Variants in MSRB3 observed in about 807,000 individuals in gnomAD.
MSRB3 encodes the protein methionine sulfoxide reductase B3, also known as methionine-R-sulfoxide reductase B3.
MSRB3 carries 13 observed loss-of-function variants against 21.0 expected under a neutral mutation model. The ratio of observed to expected loss-of-function variants is 0.62; its 90% CI spans 0.40 to 0.98. The LOEUF (loss-of-function observed/expected upper bound fraction) is 0.98. MSRB3 is among the 50% of genes least tolerant of loss of function. The pLI, the probability that MSRB3 is intolerant of heterozygous loss-of-function variation, is 0.00. For missense variants in MSRB3, 199 were observed against 230.3 expected (o/e 0.86, Z 0.88); for synonymous variants, 87 against 88.6 (o/e 0.98, Z 0.10).
intron 5 of MSRB3, among the ~76,000 whole-genome samples, chr12:65,390,320 C>T (rs1339059025): frequency 2.0e-5 from 3 of 152,136 alleles, no homozygotes; most frequent in Non-Finnish European, 4.4e-5. Flanking sequence ...CTCCTCTTTC[C>T]ACTGGAATTA....
intron 4 of MSRB3, among the ~76,000 whole-genome samples, chr12:65,334,950 A>T (rs1021077321): frequency 6.6e-6 from 1 of 152,166 alleles, no homozygotes; most frequent in Non-Finnish European, 1.5e-5. Context: ...TTTTTTGAGA[A>T]GATTGATGCC....
chr12:65,408,116 A>G (rs1430936447), intron 5 of MSRB3, among the ~76,000 whole-genome samples: 1 of 151,786 alleles, frequency 6.6e-6, no homozygotes, highest in Non-Finnish European at 1.5e-5. Context: ...TTTTTTTAAG[A>G]TGGTGTCTTA....
At position 65,463,249 on chromosome 12, in the gene MSRB3, C is replaced by T. The variant is rs760444664; in HGVS notation, c.485C>T (p.Ala162Val). 359 of 1,614,052 alleles carry T rather than the reference C, an allele frequency of 2.2e-4. No individual in the cohort carries two copies. The highest frequency in any genetic ancestry group is 2.9e-4 in the Non-Finnish European group (341 of 1,180,044). The change falls in exon 7 of 7, where the codon GCG becomes GTG. Residue 162 changes from alanine (A) to valine (V), a missense_variant. Transcript: ENST00000308259. ...INSAALSFTP[A>V]DSSGTAEGGS... ...TCGGCTGCCTTGTCTTTTACACCTGCGGATAGCAGTGGCACCGCCGAGGGA... is the reference window on the plus strand; with the variant it reads ...TCGGCTGCCTTGTCTTTTACACCTGTGGATAGCAGTGGCACCGCCGAGGGA...
chr12:65,379,351 A>G (rs180983368), intron 5 of MSRB3, among the ~76,000 whole-genome samples: 130 of 152,344 alleles, frequency 8.5e-4, no homozygotes, highest in Admixed American at 4.0e-3. Context: ...GCGATTGTAG[A>G]GCTGACAATT....
chr12:65,368,968 A>G (rs747242090), intron 4 of MSRB3, 30 bp from the exon 5 acceptor site: 5 of 954,466 alleles, frequency 5.2e-6, no homozygotes, highest in Non-Finnish European at 7.5e-6. Flanking sequence ...AACAGTTTTT[A>G]TATTGTAAAA....
Position 65,464,458 on chromosome 12 carries a change from GAAAA to G in MSRB3, c.*1138_*1141del, listed in dbSNP as rs1281238530. ...AGTGAGATCCTGTCAAAAAAGAAAA[GAAAA>G]AGAAAGCAGCATTCAAATGTAAGAC... is the stretch of plus-strand genomic sequence containing the variant. On this transcript the variant is annotated 3_prime_UTR_variant, in exon 7 of 7. Coordinates refer to ENST00000308259, the MANE Select transcript of MSRB3 (RefSeq NM_001031679.3). 1 of 152,088 alleles carries G rather than the reference GAAAA, an allele frequency of 6.6e-6. No individual in the cohort carries two copies. The highest frequency in any genetic ancestry group is 1.5e-5 in the Non-Finnish European group (1 of 68,046). The allele number at this position is 152,088 out of a possible 1,614,324, so 9.4% of individuals were successfully genotyped here.
chr12:65,368,853 C>T (rs531329829), intron 4 of MSRB3, 145 bp from the exon 5 acceptor site: 17 of 626,480 alleles, frequency 2.7e-5, no homozygotes, highest in African/African-American at 1.5e-4. Flanking sequence ...AAAATGATTA[C>T]AATACATATA....
intron 1 of MSRB3, chr12:65,285,161 A>C (rs916474110): frequency 6.6e-6 from 1 of 152,172 alleles, no homozygotes; most frequent in Non-Finnish European, 1.5e-5. Flanking sequence ...ATAATTATTG[A>C]TAACTTCCTA....
intron 4 of MSRB3, among the ~76,000 whole-genome samples, chr12:65,333,772 T>C (rs1875579604): frequency 6.6e-6 from 1 of 152,230 alleles, no homozygotes; most frequent in Non-Finnish European, 1.5e-5. Context: ...TGTTTTATAA[T>C]TATCTGTCTA....
chr12:65,426,312 A>G (rs1881596867), intron 5 of MSRB3, among the ~76,000 whole-genome samples: 1 of 152,098 alleles, frequency 6.6e-6, no homozygotes, highest in Admixed American at 6.5e-5. Flanking sequence ...TCTGATGGAC[A>G]GATTTCCTGG....
chr12:65,350,549 G>A (rs1876895371), intron 4 of MSRB3, among the ~76,000 whole-genome samples: 1 of 151,150 alleles, frequency 6.6e-6, no homozygotes, highest in South Asian at 2.1e-4. Context: ...CCATCAGTGT[G>A]CTGTATTCAG....
intron 5 of MSRB3, among the ~76,000 whole-genome samples, chr12:65,391,676 A>G (rs1204488232): frequency 6.6e-6 from 1 of 152,248 alleles, no homozygotes; most frequent in Non-Finnish European, 1.5e-5. Flanking sequence ...TTTTGAACTT[A>G]GAGTACATTT....
At position 65,405,709 on chromosome 12, in the gene MSRB3, C is replaced by T. The variant is rs148116314; in HGVS notation, c.292+36683C>T. Among the ~76,000 whole-genome samples, 1,335 of 152,062 alleles carry T rather than the reference C, an allele frequency of 8.8e-3. 21 individuals carry two copies. Among genetic ancestry groups the T allele is most frequent in the African/African-American group, 0.03 (1,247 of 41,492 alleles). ...ATACTAATTCCCACCAACAGTGTACCGTGTTCCCTTCTCTCCACATTCTTA... is the reference window on the plus strand; with the variant it reads ...ATACTAATTCCCACCAACAGTGTACTGTGTTCCCTTCTCTCCACATTCTTA... On this transcript the variant is annotated intron_variant, in intron 5 of 6. Coordinates refer to ENST00000308259, the MANE Select transcript of MSRB3 (RefSeq NM_001031679.3).
In MSRB3 at chr12:65,328,517, AT is replaced by A; in HGVS notation, c.186-6del. The A allele has an allele frequency of 6.3e-7, 1 of 1,587,644 alleles. No individual in the cohort carries two copies. On this transcript the variant is annotated splice_polypyrimidine_tract_variant and splice_region_variant and intron_variant, in intron 3 of 6. Transcript: ENST00000308259. ...CTTTAATTTTTTAAATGATCTGTTT[AT>A]TTATCAGTGCCTTTGAAGGAGAATA... is the stretch of plus-strand genomic sequence containing the variant.
intron 4 of MSRB3, among the ~76,000 whole-genome samples, chr12:65,340,323 G>A (rs1208935970): frequency 6.6e-6 from 1 of 152,074 alleles, no homozygotes; most frequent in Admixed American, 6.6e-5. Flanking sequence ...ACTGAAGCTA[G>A]GAGGGCAAGA....
At chr12:65,290,074 A>G (rs1872588994) in intron 1 of MSRB3, among the ~76,000 whole-genome samples, 1 of 152,126 alleles carries the variant, frequency 6.6e-6, no homozygotes, top group African/African-American at 2.4e-5. Context: ...GTGTTTTCCT[A>G]TGGAGTCAAA....
intron 5 of MSRB3, among the ~76,000 whole-genome samples, chr12:65,397,829 A>C (rs1219130636): frequency 1.3e-5 from 2 of 151,458 alleles, no homozygotes; most frequent in Non-Finnish European, 2.9e-5. Context: ...TCATTGTTCA[A>C]CTCCCACTTA....
At chr12:65,459,190 G>T (rs533538300) in intron 6 of MSRB3, among the ~76,000 whole-genome samples, 1 of 152,240 alleles carries the variant, frequency 6.6e-6, no homozygotes, top group African/African-American at 2.4e-5. Flanking sequence ...ATTACTGCTT[G>T]AGTCTATGGT....
intron 5 of MSRB3, chr12:65,419,713 G>A: frequency 1.2e-6 from 1 of 827,308 alleles, no homozygotes; most frequent in Non-Finnish European, 2.1e-6. Flanking sequence ...CCAGTTCTTG[G>A]TCTCTGGGCT....
Sources: allele counts gnomAD v4.1 joint callset (sites outside exome capture counted in the v4.1 genomes callset), GRCh38; gene constraint gnomAD v4.1.1; transcripts MANE v1.5; gene names NCBI Gene and HGNC (gene_info 2026-07-23, HGNC 2026-07-21).